The following FYCO1 variants were observed in gnomAD, a reference collection of about 807,000 sequenced individuals.
FYCO1 encodes the protein FYVE and coiled-coil domain-containing protein 1.
Under a neutral mutation model 165.1 loss-of-function variants are expected in FYCO1, and 122 were observed. That is an observed-to-expected ratio of 0.74 (90% CI 0.64 to 0.86). The LOEUF is 0.86. FYCO1 is among the 40% of genes least tolerant of loss of function. FYCO1 has a pLI of 0.00. For missense variants in FYCO1, 1,702 were observed against 1,810.3 expected, an observed-to-expected ratio of 0.94 and a Z score of 1.09; for synonymous variants, 648 against 742.5, an observed-to-expected ratio of 0.87 and a Z score of 2.07.
intron 4 of FYCO1, among the ~76,000 whole-genome samples, chr3:45,976,421 A>G (rs1429911592): frequency 6.6e-6 from 1 of 152,210 alleles, no homozygotes; most frequent in Non-Finnish European, 1.5e-5. Context: ...AAGTTTGCAA[A>G]TTAGGATTCA....
chr3:45,947,599 T>C, intron 14 of FYCO1: 1 of 1,007,524 alleles, frequency 9.9e-7, no homozygotes, highest in East Asian at 2.4e-5. Context: ...TGTTTATAGC[T>C]TGCGCATTCT....
chr3:45,957,566 A>G (rs1262730766), intron 13 of FYCO1, among the ~76,000 whole-genome samples: 2 of 152,250 alleles, frequency 1.3e-5, no homozygotes, highest in Non-Finnish European at 2.9e-5. Flanking sequence ...TTCAATACTT[A>G]AAAAACATTT....
rs200743793 is a variant in FYCO1, at chr3:45,965,094, C to A, written c.3089G>T (p.Gly1030Val). ...NAGEECKSLR[G>V]QLEEQGRQLQ... ...CTGCCGGCCTTGCTCCTCAAGCTGG[C>A]CCCTGAGGCTCTTGCACTCTTCACC... The change falls in exon 9 of 18, where the codon GGC (glycine) becomes GTC (valine). Residue 1030 changes from glycine to valine, a missense_variant. Coordinates refer to ENST00000296137, the MANE Select transcript of FYCO1 (RefSeq NM_024513.4). 63 of 1,614,054 alleles carry A rather than the reference C, an allele frequency of 3.9e-5. No homozygotes were observed. The highest frequency in any genetic ancestry group is 5.1e-5 in the Non-Finnish European group (60 of 1,180,000).
intron 14 of FYCO1, among the ~76,000 whole-genome samples, chr3:45,949,612 T>G (rs954807901): frequency 6.6e-6 from 1 of 152,170 alleles, no homozygotes; most frequent in Non-Finnish European, 1.5e-5. Flanking sequence ...CCTACACCAC[T>G]GGCTCATGAA....
intron 14 of FYCO1, among the ~76,000 whole-genome samples, chr3:45,941,984 T>A (rs55920693): frequency 0.089 from 13,559 of 152,320 alleles, 1,013 homozygotes; most frequent in South Asian, 0.35. Context: ...CCTTTATTCA[T>A]TTGTCCACCA....
Position 45,918,313 on chromosome 3 carries a change from G to A in FYCO1, c.*3452C>T, listed in dbSNP as rs1702981733. 1.3e-5 allele frequency: 2 copies of A among 152,248 alleles called. No individual in the cohort carries two copies. Among genetic ancestry groups the A allele is most frequent in the East Asian group, 3.9e-4 (2 of 5,182 alleles). 9.4% of individuals were successfully genotyped at this position (152,248 alleles called of 1,614,324 possible). A position where few individuals can be genotyped will look rare whatever the true frequency, so the allele number is the denominator to read the frequency against. ...TTTATTATTTTAAAAGTGCTTAAGA[G>A]GAAAGAGAGAATTATTAATTCAGTC... On this transcript the variant is annotated 3_prime_UTR_variant, in exon 18 of 18. Coordinates refer to ENST00000296137, the MANE Select transcript of FYCO1 (RefSeq NM_024513.4).
intron 6 of FYCO1, among the ~76,000 whole-genome samples, chr3:45,972,436 T>C (rs1425668819): frequency 6.6e-6 from 1 of 152,250 alleles, no homozygotes; most frequent in Non-Finnish European, 1.5e-5. Context: ...AAAAGCCTTA[T>C]AAACAGAAAG....
Position 45,965,032 on chromosome 3 carries a change from C to A in FYCO1, c.3150+1G>T, listed in dbSNP as rs766522434. The A allele has an allele frequency of 1.2e-6, 2 of 1,613,798 alleles. No individual in the cohort carries two copies. Among genetic ancestry groups the A allele is most frequent in the Admixed American group, 1.7e-5 (1 of 60,014 alleles). On this transcript the variant is annotated splice_donor_variant, in intron 9 of 17. Transcript: ENST00000296137. LOFTEE classifies it high-confidence loss of function. The stretch of plus-strand genomic sequence containing the variant: ...GACAGGTCTACACTACCAGGGCCTA[C>A]CTTCAGCTTCTCCACAGCTTCCTCA...
Position 45,964,339 on chromosome 3 carries a change from T to A in FYCO1, c.3266A>T (p.Glu1089Val), listed in dbSNP as rs1312642639. Reference protein sequence around the residue: ...KEGAALREDLERTQKELEKAT... With the variant: ...KEGAALREDLVRTQKELEKAT... ...ACGTAGGTGGACTGTGACTAACCTT[T>A]CTAGGTCTTCACGCAGGGCAGCCCC... Residue 1089 changes from glutamate to valine, a missense_variant, in exon 10 of 18, where the codon GAA (glutamate) becomes GTA (valine). By Grantham distance (121) the Glu-to-Val change is moderately radical. Coordinates refer to ENST00000296137, the MANE Select transcript of FYCO1 (RefSeq NM_024513.4). The surrounding 1 kb of genome is among the most constrained non-coding windows in gnomAD (Gnocchi z 4.1). 4 of 1,612,532 alleles carry A rather than the reference T, an allele frequency of 2.5e-6. No individual in the cohort carries two copies. The highest frequency in any genetic ancestry group is 1.7e-6 in the Non-Finnish European group (2 of 1,178,532).
At chr3:45,957,377 G>A (rs978644482) in intron 13 of FYCO1, among the ~76,000 whole-genome samples, 10 of 152,196 alleles carry the variant, frequency 6.6e-5, no homozygotes, top group Admixed American at 3.9e-4. Flanking sequence ...AAACATTTAT[G>A]CATAACAGAA....
intron 2 of FYCO1, among the ~76,000 whole-genome samples, chr3:45,982,387 AG>A (rs1424307441): frequency 2.0e-5 from 3 of 152,230 alleles, no homozygotes; most frequent in African/African-American, 7.2e-5. Context: ...GAGTGTACAG[AG>A]AAATCAGAGC....
At chr3:45,986,779 C>T (rs1328890764) in intron 1 of FYCO1, among the ~76,000 whole-genome samples, 2 of 152,152 alleles carry the variant, frequency 1.3e-5, no homozygotes, top group East Asian at 1.9e-4. Flanking sequence ...CTCCAGGTCA[C>T]CAGCTGAACA....
intron 2 of FYCO1, among the ~76,000 whole-genome samples, chr3:45,982,251 C>A (rs990441166): frequency 6.6e-6 from 1 of 151,814 alleles, no homozygotes; most frequent in Non-Finnish European, 1.5e-5. Flanking sequence ...TGCCTTATTT[C>A]GATGAATCTA....
intron 1 of FYCO1, among the ~76,000 whole-genome samples, chr3:45,991,134 T>C (rs1707543378): frequency 6.6e-6 from 1 of 152,228 alleles, no homozygotes; most frequent in Admixed American, 6.5e-5. Context: ...TTTTCCTTTA[T>C]TGAGCATAAA....
intron 14 of FYCO1, among the ~76,000 whole-genome samples, chr3:45,942,938 T>C (rs1704321781): frequency 6.6e-6 from 1 of 152,196 alleles, no homozygotes; most frequent in Admixed American, 6.5e-5. Context: ...TACCTGAGTG[T>C]GTATCTTCGA....
chr3:45,970,235 T>G (rs1305045601), intron 6 of FYCO1, among the ~76,000 whole-genome samples: 1 of 152,220 alleles, frequency 6.6e-6, no homozygotes, highest in South Asian at 2.1e-4. Flanking sequence ...ATTTCCCTCA[T>G]GCAGAAAGTT....
At chr3:45,972,610 C>T (rs1179437295) in intron 6 of FYCO1, among the ~76,000 whole-genome samples, 1 of 152,124 alleles carries the variant, frequency 6.6e-6, no homozygotes, top group Non-Finnish European at 1.5e-5. Context: ...TATGTGAGTG[C>T]CACACTGGTG....
intron 13 of FYCO1, 29 bp downstream of exon 13, chr3:45,958,379 A>G: frequency 1.3e-6 from 2 of 1,598,078 alleles, no homozygotes; most frequent in Non-Finnish European, 1.7e-6. Flanking sequence ...CCTAGAGAAC[A>G]TAGTAGGCAG....
chr3:45,948,504 G>T (rs1457729837), intron 14 of FYCO1, among the ~76,000 whole-genome samples: 1 of 152,222 alleles, frequency 6.6e-6, no homozygotes, highest in Non-Finnish European at 1.5e-5. Flanking sequence ...TAATGACCCT[G>T]CTCTTTCACT....
Sources: gnomAD v4.1 joint callset for allele counts (sites outside exome capture counted in the v4.1 genomes callset) on GRCh38, gnomAD v4.1.1 for gene constraint, Gnocchi (gnomAD v3.1) non-coding constraint, MANE v1.5 for transcripts, NCBI Gene and HGNC (gene_info 2026-07-23, HGNC 2026-07-21) for gene names.